The following TTC7A variants were observed in gnomAD, a reference collection of about 807,000 sequenced individuals.
TTC7A encodes the protein tetratricopeptide repeat protein 7A.
Under a neutral mutation model 103.7 loss-of-function variants are expected in TTC7A, and 110 were observed. That is an observed-to-expected ratio of 1.06 (90% CI 0.91 to 1.24). TTC7A has a LOEUF of 1.24. Among genes scored for constraint, TTC7A ranks in the 50% most tolerant of loss-of-function variants. The probability of loss-of-function intolerance (pLI) is 0.00; values close to 1 mark genes in which losing one functional copy is unlikely to be tolerated. For missense variants in TTC7A, 1,340 were observed against 1,116.3 expected, an observed-to-expected ratio of 1.20 and a Z score of -2.86; for synonymous variants, 521 against 467.9, an observed-to-expected ratio of 1.11 and a Z score of -1.47.
At position 47,007,544 on chromosome 2, in the gene TTC7A, G is replaced by A. The variant is rs1027300254; in HGVS notation, c.1287+820G>A. Among the ~76,000 whole-genome samples the A allele has an allele frequency of 2.0e-5, 3 of 152,128 alleles. No individual in the cohort carries two copies. Among genetic ancestry groups the A allele is most frequent in the Non-Finnish European group, 4.4e-5 (3 of 68,012 alleles). On this transcript the variant is annotated intron_variant, in intron 10 of 19. Transcript: ENST00000319190. This position sits in a 1 kb window ranked among gnomAD's most constrained non-coding sequence, Gnocchi z 4.9. The stretch of plus-strand genomic sequence containing the variant: ...GCTGAGGGAATTCCTCGCCCCCCTG[G>A]CCCATCTGTGCCACGTTCCATTTCT...
intron 1 of TTC7A, among the ~76,000 whole-genome samples, chr2:46,942,840 G>T (rs2103902634): frequency 6.6e-6 from 1 of 152,350 alleles, no homozygotes; most frequent in East Asian, 1.9e-4. Context: ...AGGCAAGAAA[G>T]TGATCGGAGG....
At chr2:46,955,791 G>A (rs1392100488) in intron 2 of TTC7A, among the ~76,000 whole-genome samples, 1 of 152,182 alleles carries the variant, frequency 6.6e-6, no homozygotes, top group African/African-American at 2.4e-5. Flanking sequence ...GGGAGACAGG[G>A]GTAGCACCTT....
chr2:46,996,608 G>A (rs1378296535), intron 8 of TTC7A, among the ~76,000 whole-genome samples: 1 of 152,204 alleles, frequency 6.6e-6, no homozygotes, highest in Non-Finnish European at 1.5e-5. Context: ...GGATCTGAGA[G>A]TTTCTGTGTA....
chr2:46,936,141 C>G (rs1256658881), intron 2 of TTC7A, among the ~76,000 whole-genome samples: 2 of 152,100 alleles, frequency 1.3e-5, no homozygotes, highest in African/African-American at 4.8e-5. Flanking sequence ...ATTTAGCTTC[C>G]CAAATACTGA....
In TTC7A at chr2:46,993,464, G is replaced by C. The variant is rs759008720; in HGVS notation, c.779G>C (p.Gly260Ala). 1.9e-6 allele frequency: 3 copies of C among 1,614,188 alleles called. No homozygotes were observed. The highest frequency in any genetic ancestry group is 4.5e-5 in the East Asian group (2 of 44,890). Reference protein sequence around the residue: ...KNLKKGNIVKGMRELREVLRT... With the variant: ...KNLKKGNIVKAMRELREVLRT... ...CCTCCCACCAGGAACATCGTGAAGG[G>C]CATGAGAGAGCTCCGGGAGGTGCTG... The change falls in exon 6 of 20, where the codon GGC becomes GCC. Residue 260 changes from glycine to alanine, a missense_variant. Gly to Ala is a moderately conservative substitution (Grantham distance 60). Transcript: ENST00000319190.
Position 47,060,668 on chromosome 2 carries a change from C to A in TTC7A, c.2153-101C>A, listed in dbSNP as rs73929369. The A allele has an allele frequency of 3.6e-3, 3,912 of 1,093,792 alleles. 104 individuals carry two copies. In the African/African-American group the frequency reaches 0.053, roughly 15 times the overall value. 67.8% of individuals were successfully genotyped at this position (1,093,792 alleles called of 1,614,324 possible). The stretch of plus-strand genomic sequence containing the variant: ...TGTGATTTGGTGGGATAGAGTTTGT[C>A]ACCTAAGACTAGTTCCCTGGCTCTG... On this transcript the variant is annotated intron_variant, in intron 18 of 19. Transcript: ENST00000319190.
intron 1 of TTC7A, among the ~76,000 whole-genome samples, chr2:46,944,402 C>T (rs1312135019): frequency 2.6e-5 from 2 of 78,002 alleles, no homozygotes; most frequent in Admixed American, 3.9e-4. Flanking sequence ...TTTTTTGAGA[C>T]AAGAACTTGC....
At chr2:46,969,056 C>T (rs11125108) in intron 3 of TTC7A, among the ~76,000 whole-genome samples, 1 of 151,540 alleles carries the variant, frequency 6.6e-6, no homozygotes, top group African/African-American at 2.4e-5. Context: ...CGTGGGCCAC[C>T]ACTCCTGGCC....
In TTC7A at chr2:47,021,096, T is replaced by C. The variant is rs569067939; in HGVS notation, c.1393-766T>C. Among the ~76,000 whole-genome samples, 225 of 152,332 alleles carry C rather than the reference T, an allele frequency of 1.5e-3. 3 individuals carry two copies. Among genetic ancestry groups the C allele is most frequent in the African/African-American group, 5.3e-3 (220 of 41,572 alleles). On this transcript the variant is annotated intron_variant, in intron 11 of 19. Transcript: ENST00000319190. ...ACAGAGGAAGCATCCCTGCCCTCTC[T>C]GGAAACTGGCGTTTTCAATGACATG...
upstream of TTC7A, chr2:46,941,067 C>A: frequency 6.7e-6 from 1 of 150,062 alleles, no homozygotes; most frequent in South Asian, 1.8e-4. This position sits in a 1 kb window ranked among gnomAD's most constrained non-coding sequence, Gnocchi z 4.2. Context: ...GGCGGGTACC[C>A]GGGCGGCCGC....
intron 2 of TTC7A, among the ~76,000 whole-genome samples, chr2:46,925,613 A>G (rs1669347773): frequency 6.6e-6 from 1 of 152,182 alleles, no homozygotes; most frequent in South Asian, 2.1e-4. Context: ...ACCTGACTGT[A>G]TCAACTGACT....
intron 2 of TTC7A, chr2:46,917,422 C>G: frequency 1.8e-6 from 1 of 564,702 alleles, no homozygotes; most frequent in Non-Finnish European, 3.1e-6. Context: ...TCATCCATCT[C>G]TTCATCCATT....
At chr2:47,058,008 A>G (rs1683456267) in intron 18 of TTC7A, among the ~76,000 whole-genome samples, 1 of 152,172 alleles carries the variant, frequency 6.6e-6, no homozygotes, top group Non-Finnish European at 1.5e-5. Flanking sequence ...CAAAAGTTGT[A>G]TGTTAAGCAC....
intron 19 of TTC7A, among the ~76,000 whole-genome samples, chr2:47,072,471 G>A (rs1482783032): frequency 6.6e-6 from 1 of 152,250 alleles, no homozygotes; most frequent in African/African-American, 2.4e-5. Context: ...GCTCTCCGAG[G>A]ACTTGATGAA....
intron 8 of TTC7A, 66 bp from the exon 9 acceptor site, chr2:47,005,856 C>T (rs1171340902): frequency 6.3e-7 from 1 of 1,581,662 alleles, no homozygotes. Context: ...AGGTGGGGGC[C>T]CTGCGAAGAC....
intron 14 of TTC7A, among the ~76,000 whole-genome samples, chr2:47,027,058 C>T (rs889530979): frequency 3.3e-5 from 5 of 152,222 alleles, no homozygotes; most frequent in Non-Finnish European, 7.4e-5. Context: ...CCAGGCCTTC[C>T]TGGCCCTCCA....
At chr2:46,924,907 G>A (rs894608017) in intron 2 of TTC7A, among the ~76,000 whole-genome samples, 4 of 152,230 alleles carry the variant, frequency 2.6e-5, no homozygotes, top group Non-Finnish European at 5.9e-5. Context: ...GATTATGAGC[G>A]TGAGCCAGCC....
intron 5 of TTC7A, among the ~76,000 whole-genome samples, chr2:46,990,192 G>T (rs566023112): frequency 6.6e-6 from 1 of 152,228 alleles, no homozygotes; most frequent in South Asian, 2.1e-4. Flanking sequence ...CCTGGAGCTC[G>T]TTGAGGTCTG....
At position 46,995,213 on chromosome 2, in the gene TTC7A, T is replaced by A. The variant is rs1676056950; in HGVS notation, c.1065+14T>A. On this transcript the variant is annotated intron_variant, in intron 8 of 19. Coordinates refer to ENST00000319190, the MANE Select transcript of TTC7A (RefSeq NM_020458.4). ...AGCGAATCCATGGTAAGCTCCAGGA[T>A]GTCCTTCAGGGGCCTCTGGCCCTCT... 6.2e-7 allele frequency: 1 copy of A among 1,613,632 alleles called. No homozygotes were observed. The highest frequency in any genetic ancestry group is 1.3e-5 in the African/African-American group (1 of 74,918).
Sources: gnomAD v4.1 joint callset for allele counts (sites outside exome capture counted in the v4.1 genomes callset) on GRCh38, gnomAD v4.1.1 for gene constraint, Gnocchi (gnomAD v3.1) non-coding constraint, MANE v1.5 for transcripts, NCBI Gene and HGNC (gene_info 2026-07-23, HGNC 2026-07-21) for gene names.